The following GPHN variants were observed in gnomAD, a reference collection of about 807,000 sequenced individuals.
GPHN encodes the protein gephyrin.
Under a neutral mutation model 95.5 loss-of-function variants are expected in GPHN, and 17 were observed. The observed-to-expected ratio is 0.18, with a 90% CI of 0.12 to 0.27. GPHN has a LOEUF of 0.27. Among genes scored for constraint, GPHN ranks in the 10% least tolerant of loss-of-function variants. GPHN has a pLI of 1.00. For missense variants in GPHN, 660 were observed against 978.1 expected (o/e 0.67, Z 4.34); for synonymous variants, 320 against 322.5 (o/e 0.99, Z 0.08).
intron 1 of GPHN, among the ~76,000 whole-genome samples, chr14:66,656,404 A>G (rs1441917560): frequency 1.3e-5 from 2 of 152,038 alleles, no homozygotes; most frequent in African/African-American, 4.8e-5. Flanking sequence ...GTATTTCCTT[A>G]CTATCCTTTT....
At chr14:67,720,112 T>C in the GPHN span, among the ~76,000 whole-genome samples, 824 of 152,336 alleles carry the variant, frequency 5.4e-3, 20 homozygotes, top group Admixed American at 0.04. Flanking sequence ...CTTTTTGACC[T>C]TTGGCAATCT....
chr14:66,889,804 A>G (rs2064378204), intron 5 of GPHN, among the ~76,000 whole-genome samples: 1 of 152,072 alleles, frequency 6.6e-6, no homozygotes, highest in Non-Finnish European at 1.5e-5. Flanking sequence ...TCAAAAAACA[A>G]TAGAGAAAAT....
chr14:67,537,779 G>C, the GPHN span, among the ~76,000 whole-genome samples: 1 of 152,314 alleles, frequency 6.6e-6, no homozygotes, highest in Non-Finnish European at 1.5e-5. Flanking sequence ...CAGACTCTGA[G>C]TCTGGAGTCA....
chr14:66,893,521 G>C (rs1354664800), intron 5 of GPHN, among the ~76,000 whole-genome samples: 3 of 152,144 alleles, frequency 2.0e-5, no homozygotes, highest in African/African-American at 7.2e-5. Flanking sequence ...AGGGCAATCA[G>C]GCAAGAGAAA....
chr14:66,843,526 T>C (rs2062181878), intron 4 of GPHN, among the ~76,000 whole-genome samples: 1 of 152,200 alleles, frequency 6.6e-6, no homozygotes, highest in Non-Finnish European at 1.5e-5. Context: ...CCCCATTAAT[T>C]TATTTGAGAT....
At chr14:67,139,161 T>C (rs1024852179) in intron 17 of GPHN, among the ~76,000 whole-genome samples, 3 of 151,192 alleles carry the variant, frequency 2.0e-5, no homozygotes, top group African/African-American at 7.3e-5. Context: ...AGGCGGAGGT[T>C]GCAGTGAGCC....
At chr14:66,825,140 T>C (rs897208935) in intron 4 of GPHN, among the ~76,000 whole-genome samples, 1 of 151,880 alleles carries the variant, frequency 6.6e-6, no homozygotes, top group Non-Finnish European at 1.5e-5. Context: ...GGAAGAAAAA[T>C]TAGGGAAAGA....
At chr14:66,559,468 T>G (rs1252932865) in intron 1 of GPHN, among the ~76,000 whole-genome samples, 3 of 148,086 alleles carry the variant, frequency 2.0e-5, no homozygotes, top group Non-Finnish European at 4.4e-5. Flanking sequence ...GTGGTTTTGA[T>G]TTGCATTTCT....
At chr14:67,481,415 G>A in the GPHN span, among the ~76,000 whole-genome samples, 1,458 of 152,290 alleles carry the variant, frequency 9.6e-3, 38 homozygotes, top group East Asian at 0.096. Context: ...GCACACCACG[G>A]CAATGTCAGA....
At chr14:66,801,781 T>A (rs2060360882) in intron 3 of GPHN, among the ~76,000 whole-genome samples, 2 of 149,830 alleles carry the variant, frequency 1.3e-5, no homozygotes, top group South Asian at 4.3e-4. Flanking sequence ...ACTTTCTGGC[T>A]ACCATCTATG....
chr14:67,048,184 A>G (rs907249225), intron 10 of GPHN, among the ~76,000 whole-genome samples: 2 of 152,214 alleles, frequency 1.3e-5, no homozygotes, highest in Non-Finnish European at 2.9e-5. Context: ...CATCATAGAT[A>G]GTGTCATTAG....
intron 11 of GPHN, among the ~76,000 whole-genome samples, chr14:67,070,409 T>C (rs963063312): frequency 6.7e-6 from 1 of 149,344 alleles, no homozygotes; most frequent in Non-Finnish European, 1.5e-5. Context: ...TCAAAAATTA[T>C]ATTACCGGCC....
the GPHN span, among the ~76,000 whole-genome samples, chr14:67,602,761 A>G: frequency 6.6e-6 from 1 of 152,262 alleles, no homozygotes. Context: ...TCTTTTCACA[A>G]TAATTGTTTC....
At chr14:67,194,858 A>G in the GPHN span, among the ~76,000 whole-genome samples, 1 of 152,170 alleles carries the variant, frequency 6.6e-6, no homozygotes, top group Non-Finnish European at 1.5e-5. Flanking sequence ...GGGTTTCACA[A>G]CGTTGGCCAG....
intron 16 of GPHN, among the ~76,000 whole-genome samples, chr14:67,120,243 T>A (rs997083462): frequency 6.6e-6 from 1 of 152,160 alleles, no homozygotes; most frequent in Non-Finnish European, 1.5e-5. Flanking sequence ...TACCTCATAT[T>A]TTTTTCTTTT....
intron 1 of GPHN, among the ~76,000 whole-genome samples, chr14:66,536,547 T>G (rs1295965869): frequency 2.0e-5 from 3 of 152,250 alleles, no homozygotes; most frequent in African/African-American, 7.2e-5. Context: ...TCAGATTTTG[T>G]TATCAATGTT....
At chr14:66,930,316 A>G (rs1035785979) in intron 8 of GPHN, among the ~76,000 whole-genome samples, 1 of 151,566 alleles carries the variant, frequency 6.6e-6, no homozygotes, top group East Asian at 1.9e-4. Context: ...AACTATTGTT[A>G]GTTTTTTGGT....
rs761010603 is a variant in GPHN at position 67,100,830 on chromosome 14, G to A, written c.1238-26G>A. 3 of 1,540,528 alleles carry A rather than the reference G, an allele frequency of 1.9e-6. 1 individual carries two copies. Among genetic ancestry groups the A allele is most frequent in the Admixed American group, 3.3e-5 (2 of 59,926 alleles). Reference sequence around the variant, plus strand: ...ATGCTGTAGGTCCATACTGATGTTTGTTCTTGGCTCTGTTCCATCTCACAG... The same window carrying A: ...ATGCTGTAGGTCCATACTGATGTTTATTCTTGGCTCTGTTCCATCTCACAG... On this transcript the variant is annotated intron_variant, in intron 12 of 22. Transcript: ENST00000478722.
At chr14:66,513,674 A>G (rs747485815) in intron 1 of GPHN, among the ~76,000 whole-genome samples, 7 of 151,916 alleles carry the variant, frequency 4.6e-5, no homozygotes, top group East Asian at 1.9e-4. Flanking sequence ...TGTTTAACCT[A>G]CTTAAAAGTA....
Sources: gnomAD v4.1 joint callset for allele counts (sites outside exome capture counted in the v4.1 genomes callset) on GRCh38, gnomAD v4.1.1 for gene constraint, MANE v1.5 for transcripts, NCBI Gene and HGNC (gene_info 2026-07-23, HGNC 2026-07-21) for gene names.